CTXND2: variants seen among roughly 807,000 people sequenced by gnomAD.
The protein encoded by CTXND2 is cortexin domain containing 2.
intron 1 of CTXND2, among the ~76,000 whole-genome samples, chr1:150,894,096 T>C (rs1250248607): frequency 1.3e-5 from 2 of 152,160 alleles, no homozygotes; most frequent in East Asian, 1.9e-4. Flanking sequence ...TATCAAATGC[T>C]TTTTCTGTAA....
At chr1:150,895,129 AT>A (rs1376490042) in intron 1 of CTXND2, among the ~76,000 whole-genome samples, 1 of 151,730 alleles carries the variant, frequency 6.6e-6, no homozygotes, top group Non-Finnish European at 1.5e-5. Context: ...AATTTTATAG[AT>A]ATAAAATTTT....
intron 1 of CTXND2, among the ~76,000 whole-genome samples, chr1:150,888,119 T>C (rs984586849): frequency 6.6e-6 from 1 of 152,068 alleles, no homozygotes; most frequent in Non-Finnish European, 1.5e-5. Flanking sequence ...ATTTTAGCTC[T>C]ACCATTTTTG....
intron 1 of CTXND2, among the ~76,000 whole-genome samples, chr1:150,898,927 A>AT (rs1553235138): frequency 7.8e-5 from 11 of 140,792 alleles, no homozygotes; most frequent in African/African-American, 2.6e-4. Flanking sequence ...AATACAAAAA[A>AT]AAAAATATAT....
At chr1:150,895,537 T>G (rs587629288) in intron 1 of CTXND2, among the ~76,000 whole-genome samples, 1 of 152,226 alleles carries the variant, frequency 6.6e-6, no homozygotes, top group African/African-American at 2.4e-5. Flanking sequence ...AGAGATGGGC[T>G]TTCACTATGT....
intron 1 of CTXND2, among the ~76,000 whole-genome samples, chr1:150,900,955 AAAAT>A (rs1047715509): frequency 3.3e-5 from 5 of 152,106 alleles, no homozygotes; most frequent in Admixed American, 6.6e-5. Flanking sequence ...TCTCTACATA[AAAAT>A]AAATTAGCTG....
chr1:150,905,394 C>G (rs2102602052), intron 1 of CTXND2, among the ~76,000 whole-genome samples: 1 of 151,958 alleles, frequency 6.6e-6, no homozygotes, highest in East Asian at 2.0e-4. Flanking sequence ...TCCCCCCCAA[C>G]CTCGGCCTCC....
intron 1 of CTXND2, among the ~76,000 whole-genome samples, chr1:150,898,918 A>C (rs1221893190): frequency 1.2e-5 from 1 of 82,316 alleles, no homozygotes; most frequent in African/African-American, 3.8e-5. Context: ...TCTACTAAAA[A>C]TACAAAAAAA....
intron 1 of CTXND2, among the ~76,000 whole-genome samples, chr1:150,898,667 A>G (rs1023438348): frequency 2.0e-5 from 3 of 151,534 alleles, no homozygotes; most frequent in Non-Finnish European, 4.4e-5. Flanking sequence ...GAGGCAGAAG[A>G]ATTGCTCGAA....
At chr1:150,904,030 T>G in intron 1 of CTXND2, 1 of 654,862 alleles carries the variant, frequency 1.5e-6, no homozygotes, top group Non-Finnish European at 2.9e-6. Flanking sequence ...GTCAGGCTGT[T>G]GGATTCTCTT....
chr1:150,892,532 T>C (rs1489138269), intron 1 of CTXND2, among the ~76,000 whole-genome samples: 5,745 of 145,722 alleles, frequency 0.039, 68 homozygotes, highest in Non-Finnish European at 0.06. Flanking sequence ...CTTCTTCTTT[T>C]TTTTTTTTTT....
intron 1 of CTXND2, among the ~76,000 whole-genome samples, chr1:150,896,888 G>T (rs587704873): frequency 6.6e-6 from 1 of 152,228 alleles, no homozygotes; most frequent in Admixed American, 6.5e-5. Context: ...AAATTATAGT[G>T]AATATTACTG....
At chr1:150,901,717 A>C (rs921979327) in intron 1 of CTXND2, among the ~76,000 whole-genome samples, 1 of 150,626 alleles carries the variant, frequency 6.6e-6, no homozygotes, top group Non-Finnish European at 1.5e-5. Flanking sequence ...GATCAAGACC[A>C]TCCTGGCTAA....
intron 1 of CTXND2, among the ~76,000 whole-genome samples, chr1:150,892,564 C>T (rs1348585760): frequency 1.4e-5 from 2 of 143,800 alleles, no homozygotes; most frequent in Non-Finnish European, 3.0e-5. Context: ...GACAGGGCCT[C>T]GCTTTATCAT....
chr1:150,908,136 G>GGGATT (rs1176124672), intron 1 of CTXND2, among the ~76,000 whole-genome samples: 4 of 151,854 alleles, frequency 2.6e-5, no homozygotes, highest in Non-Finnish European at 5.9e-5. Context: ...CCAAGTAGCT[G>GGGATT]GGATTACAGG....
intron 1 of CTXND2, among the ~76,000 whole-genome samples, chr1:150,905,917 G>A (rs1176231606): frequency 1.3e-5 from 2 of 151,534 alleles, no homozygotes; most frequent in African/African-American, 4.8e-5. Flanking sequence ...GTGAACCCGG[G>A]AGGCGGAGCT....
Position 150,908,966 on chromosome 1 carries a change from G to A in CTXND2, c.-73-3276G>A, listed in dbSNP as rs1052938141. Among the ~76,000 whole-genome samples, 4 of 151,826 alleles carry A rather than the reference G, an allele frequency of 2.6e-5. No homozygotes were observed. In the East Asian group the frequency reaches 5.8e-4, roughly 22 times the overall value. ...CTTAAAGTACAAAAGTTGGCTGGGCGCAGTGGGTCACGCCTGTAATCCCAG... is the reference window on the plus strand; with the variant it reads ...CTTAAAGTACAAAAGTTGGCTGGGCACAGTGGGTCACGCCTGTAATCCCAG... On this transcript the variant is annotated intron_variant, in intron 1 of 1. Coordinates refer to ENST00000636087, the Ensembl canonical transcript of CTXND2.
intron 1 of CTXND2, among the ~76,000 whole-genome samples, chr1:150,896,820 C>T (rs1051755309): frequency 2.0e-5 from 3 of 152,144 alleles, no homozygotes; most frequent in Non-Finnish European, 4.4e-5. Context: ...TCTATATGAT[C>T]CCTACTCTCA....
chr1:150,893,603 C>T (rs1398122494), intron 1 of CTXND2, among the ~76,000 whole-genome samples: 2 of 152,162 alleles, frequency 1.3e-5, no homozygotes, highest in Non-Finnish European at 2.9e-5. Context: ...GAAGTACAGA[C>T]ATGCACCATC....
chr1:150,895,167 C>A (rs1288101137), intron 1 of CTXND2, among the ~76,000 whole-genome samples: 3 of 151,252 alleles, frequency 2.0e-5, no homozygotes, highest in Non-Finnish European at 4.4e-5. Context: ...ACCAAATATG[C>A]CTTTTTCTAT....
Sources: allele counts gnomAD v4.1 joint callset (sites outside exome capture counted in the v4.1 genomes callset), GRCh38; gene constraint gnomAD v4.1.1; transcripts MANE v1.5; gene names NCBI Gene and HGNC (gene_info 2026-07-23, HGNC 2026-07-21).